The following GLIS1 variants were observed in gnomAD, a reference collection of about 807,000 sequenced individuals.
GLIS1 encodes GLIS family zinc finger 1, also known as zinc finger protein GLIS1.
A neutral mutation model predicts 63.8 loss-of-function variants in GLIS1; 24 were observed. That is an observed-to-expected ratio of 0.38 (90% CI 0.27 to 0.53). The LOEUF (loss-of-function observed/expected upper bound fraction) is 0.53. Ranked by LOEUF, GLIS1 falls within the 20% of genes least tolerant of loss-of-function variation. The pLI is 0.85. For synonymous variants in GLIS1, 450 were observed against 482.5 expected, an observed-to-expected ratio of 0.93 and a Z score of 0.88; for missense variants, 1,036 against 1,074.1, an observed-to-expected ratio of 0.96 and a Z score of 0.50.
At chr1:53,532,642 G>A (rs564585200) in intron 4 of GLIS1, among the ~76,000 whole-genome samples, 6 of 152,230 alleles carry the variant, frequency 3.9e-5, no homozygotes, top group African/African-American at 7.2e-5. Flanking sequence ...GGGGGAGCCC[G>A]GGCTGGAGAG....
intron 2 of GLIS1, among the ~76,000 whole-genome samples, chr1:53,690,758 G>A (rs1646395141): frequency 6.6e-6 from 1 of 152,234 alleles, no homozygotes. Flanking sequence ...TTCCGGCAGA[G>A]GGGTTGGCAT....
At chr1:53,593,536 C>T (rs1375908033) in intron 4 of GLIS1, among the ~76,000 whole-genome samples, 1 of 152,222 alleles carries the variant, frequency 6.6e-6, no homozygotes, top group African/African-American at 2.4e-5. Context: ...ACTGGTACTA[C>T]CCAGGGCCTT....
chr1:53,638,222 G>GAAAAAAA (rs1371616858), intron 2 of GLIS1, among the ~76,000 whole-genome samples: 1 of 152,320 alleles, frequency 6.6e-6, no homozygotes, highest in East Asian at 1.9e-4. Flanking sequence ...GCACCTCGGG[G>GAAAAAAA]AAAGGGAGGG....
intron 4 of GLIS1, among the ~76,000 whole-genome samples, chr1:53,549,503 G>A (rs1050622202): frequency 2.0e-5 from 3 of 152,176 alleles, no homozygotes; most frequent in East Asian, 1.9e-4. Context: ...TTGTGGTTCC[G>A]ATTTGCATTT....
intron 6 of GLIS1, among the ~76,000 whole-genome samples, chr1:53,523,776 C>T (rs181065445): frequency 1.6e-3 from 247 of 152,292 alleles, no homozygotes; most frequent in Non-Finnish European, 2.8e-3. Context: ...GCATCCCCAA[C>T]CCATTTTCTA....
At chr1:53,627,419 C>A (rs1645607467) in intron 2 of GLIS1, among the ~76,000 whole-genome samples, 1 of 152,148 alleles carries the variant, frequency 6.6e-6, no homozygotes, top group South Asian at 2.1e-4. Context: ...AGCAGATGTG[C>A]CAAATTGAAC....
chr1:53,700,323 G>A (rs1646510090), intron 2 of GLIS1, among the ~76,000 whole-genome samples: 1 of 152,226 alleles, frequency 6.6e-6, no homozygotes, highest in Middle Eastern at 3.4e-3. Flanking sequence ...CTGTTTTCAG[G>A]TAAGGAAACC....
At chr1:53,566,024 T>G (rs577202973) in intron 4 of GLIS1, among the ~76,000 whole-genome samples, 2 of 152,288 alleles carry the variant, frequency 1.3e-5, no homozygotes, top group African/African-American at 4.8e-5. Context: ...TAGTAAAGTC[T>G]GTAAATTTGA....
intron 2 of GLIS1, among the ~76,000 whole-genome samples, chr1:53,702,896 C>T (rs970020269): frequency 2.2e-4 from 34 of 152,204 alleles, no homozygotes; most frequent in Admixed American, 2.0e-3. Context: ...TGAAGGCCAC[C>T]GTGGCCTGTC....
intron 10 of GLIS1, among the ~76,000 whole-genome samples, chr1:53,507,486 G>A (rs542742861): frequency 3.3e-5 from 5 of 152,318 alleles, no homozygotes; most frequent in African/African-American, 4.8e-5. Context: ...GGGAGGGGCC[G>A]GGAGGGGTGA....
chr1:53,545,995 G>A (rs922136956), intron 4 of GLIS1, among the ~76,000 whole-genome samples: 10 of 152,250 alleles, frequency 6.6e-5, no homozygotes, highest in Non-Finnish European at 1.3e-4. Context: ...TTCCAGAGGG[G>A]ATCTGAGGAT....
chr1:53,568,134 G>A (rs1180436185), intron 4 of GLIS1, among the ~76,000 whole-genome samples: 2 of 152,218 alleles, frequency 1.3e-5, no homozygotes, highest in Non-Finnish European at 2.9e-5. Context: ...AGAGCCACAG[G>A]GATGGAGTTG....
intron 4 of GLIS1, among the ~76,000 whole-genome samples, chr1:53,543,820 G>A (rs1053042648): frequency 1.3e-5 from 2 of 152,026 alleles, no homozygotes; most frequent in Admixed American, 6.6e-5. Flanking sequence ...GTCATCTGCC[G>A]GCCAGGCAGG....
chr1:53,539,275 C>G lies in GLIS1; in HGVS notation c.1321-9323G>C, dbSNP rs1056599122. On this transcript the variant is annotated intron_variant, in intron 4 of 10. Transcript: ENST00000628545. This position sits in a 1 kb window ranked among gnomAD's most constrained non-coding sequence, Gnocchi z 5.0. Reference sequence around the variant, plus strand: ...ACACACACACACCAAGACCCAGAAACTCCCTCACACACACACACACACACT... The same window carrying G: ...ACACACACACACCAAGACCCAGAAAGTCCCTCACACACACACACACACACT... Among the ~76,000 whole-genome samples, 4 of 63,608 alleles carry G rather than the reference C, an allele frequency of 6.3e-5. No homozygotes were observed. Among genetic ancestry groups the G allele is most frequent in the Non-Finnish European group, 1.7e-4 (4 of 23,404 alleles). 41.7% of individuals were successfully genotyped at this position (63,608 alleles called of 152,430 possible).
At chr1:53,532,805 C>T (rs889186217) in intron 4 of GLIS1, among the ~76,000 whole-genome samples, 1 of 152,236 alleles carries the variant, frequency 6.6e-6, no homozygotes, top group African/African-American at 2.4e-5. Flanking sequence ...ATCATCTTCT[C>T]CCCGAGGTCT....
At chr1:53,689,059 T>C (rs1646373171) in intron 2 of GLIS1, among the ~76,000 whole-genome samples, 1 of 152,246 alleles carries the variant, frequency 6.6e-6, no homozygotes, top group Admixed American at 6.5e-5. Flanking sequence ...TGTGGATGGC[T>C]GAGCACATTC....
chr1:53,618,673 C>T (rs1016648166), intron 2 of GLIS1, among the ~76,000 whole-genome samples: 3 of 152,160 alleles, frequency 2.0e-5, no homozygotes, highest in African/African-American at 7.2e-5. Context: ...CTAGGAAAGT[C>T]GAGGGGCTGA....
Position 53,713,555 on chromosome 1 carries a change from A to G in GLIS1, c.259+24251T>C, listed in dbSNP as rs987142144. Among the ~76,000 whole-genome samples, 5 of 152,240 alleles carry G rather than the reference A, an allele frequency of 3.3e-5. No homozygotes were observed. The South Asian group carries it at 8.3e-4, about 25-fold the overall frequency. The stretch of plus-strand genomic sequence containing the variant: ...CACAGTAAGACCTCGTCTCTTCAAG[A>G]CCAGCCTGGGCAACACGGTGAGACC... On this transcript the variant is annotated intron_variant, in intron 2 of 10. Coordinates refer to ENST00000628545, the MANE Select transcript of GLIS1 (RefSeq NM_001367484.1).
At chr1:53,626,949 TG>T (rs1645600603) in intron 2 of GLIS1, among the ~76,000 whole-genome samples, 1 of 152,232 alleles carries the variant, frequency 6.6e-6, no homozygotes, top group Non-Finnish European at 1.5e-5. Context: ...GTGATAAATG[TG>T]GAAGGGCTTT....
Sources: gnomAD v4.1 joint callset for allele counts (sites outside exome capture counted in the v4.1 genomes callset) on GRCh38, gnomAD v4.1.1 for gene constraint, Gnocchi (gnomAD v3.1) non-coding constraint, MANE v1.5 for transcripts, NCBI Gene and HGNC (gene_info 2026-07-23, HGNC 2026-07-21) for gene names.